ANKRD29: variants seen among roughly 807,000 people sequenced by gnomAD.
ANKRD29 encodes the protein ankyrin repeat domain-containing protein 29.
Under a neutral mutation model 38.0 loss-of-function variants are expected in ANKRD29, and 32 were observed. The ratio of observed to expected loss-of-function variants is 0.84; its 90% CI spans 0.64 to 1.13. ANKRD29 has a LOEUF of 1.13. Among genes scored for constraint, ANKRD29 ranks in the 50% most tolerant of loss-of-function variants. The pLI is 0.00. For synonymous variants in ANKRD29, 135 were observed against 152.4 expected, an observed-to-expected ratio of 0.89 and a Z score of 0.84; for missense variants, 357 against 377.9, an observed-to-expected ratio of 0.94 and a Z score of 0.46.
intron 8 of ANKRD29, among the ~76,000 whole-genome samples, chr18:23,617,498 GA>G (rs771107144): frequency 7.3e-5 from 11 of 151,688 alleles, no homozygotes; most frequent in Non-Finnish European, 1.5e-4. Flanking sequence ...TACTACTGTC[GA>G]TTTTTTTTTT....
At chr18:23,642,658 G>A (rs1054169345) in intron 3 of ANKRD29, among the ~76,000 whole-genome samples, 4 of 152,204 alleles carry the variant, frequency 2.6e-5, no homozygotes, top group African/African-American at 7.2e-5. Flanking sequence ...AGCCATGGAG[G>A]TTTCCAGCTG....
At chr18:23,637,013 G>A (rs981478060) in intron 4 of ANKRD29, among the ~76,000 whole-genome samples, 1 of 152,186 alleles carries the variant, frequency 6.6e-6, no homozygotes, top group African/African-American at 2.4e-5. Flanking sequence ...TTGGATACCT[G>A]CAGCTGACCT....
chr18:23,646,348 A>G, intron 2 of ANKRD29, 61 bp from the exon 3 acceptor site: 1 of 1,469,980 alleles, frequency 6.8e-7, no homozygotes, highest in South Asian at 1.2e-5. Context: ...GAAGGGTCCT[A>G]GAGAAGATGC....
intron 4 of ANKRD29, among the ~76,000 whole-genome samples, chr18:23,636,979 C>G (rs971778530): frequency 1.2e-4 from 19 of 152,212 alleles, no homozygotes; most frequent in African/African-American, 4.6e-4. Flanking sequence ...CCTCTCAGCC[C>G]TCTCTTCTTC....
chr18:23,610,043 T>C (rs548037162), intron 9 of ANKRD29, among the ~76,000 whole-genome samples: 27 of 152,348 alleles, frequency 1.8e-4, no homozygotes, highest in African/African-American at 6.5e-4. Context: ...ATGTTATATG[T>C]TTTTGTTTTT....
Position 23,617,790 on chromosome 18 carries a change from C to T in ANKRD29, c.665G>A (p.Gly222Glu). The T allele has an allele frequency of 6.2e-7, 1 of 1,613,946 alleles. No homozygotes were observed. The highest frequency in any genetic ancestry group is 8.5e-7 in the Non-Finnish European group (1 of 1,179,962). The change falls in exon 8 of 10, where the codon GGG (glycine) becomes GAG (glutamate). Residue 222 changes from glycine (G) to glutamate (E), a missense_variant. Transcript: ENST00000592179. ...CAACTCTTTTATGACATCATTATAC[C>T]CTTTGTTGGCTGCTTTCAATAATGC... ...TTALLKAANK[G>E]YNDVIKELLK...
intron 1 of ANKRD29, chr18:23,649,626 C>G: frequency 2.2e-6 from 1 of 461,786 alleles, no homozygotes; most frequent in South Asian, 1.6e-5. Context: ...TCTGACCTCT[C>G]AAAAGAGTTT....
At chr18:23,646,042 C>T in intron 3 of ANKRD29, 147 bp downstream of exon 3, 1 of 714,506 alleles carries the variant, frequency 1.4e-6, no homozygotes, top group Non-Finnish European at 2.3e-6. Context: ...GTTGCTGGAC[C>T]TCATTGTAGG....
chr18:23,641,742 A>T (rs539914623), intron 3 of ANKRD29, among the ~76,000 whole-genome samples: 1 of 152,356 alleles, frequency 6.6e-6, no homozygotes, highest in African/African-American at 2.4e-5. Flanking sequence ...CCTCTGACTC[A>T]GCCAGATTCA....
chr18:23,627,005 T>A (rs1335505892), intron 6 of ANKRD29, among the ~76,000 whole-genome samples: 3 of 152,236 alleles, frequency 2.0e-5, no homozygotes, highest in African/African-American at 7.2e-5. Flanking sequence ...GATTTCAGAA[T>A]AAAACATTGG....
rs531648296 is a variant in ANKRD29 at position 23,612,189 on chromosome 18, T to C, written c.725A>G (p.Asn242Ser). Residue 242 changes from asparagine to serine, a missense_variant and splice_region_variant, in exon 9 of 10, where the codon AAT becomes AGT. Transcript: ENST00000592179. ...KFSPTLGILK[N>S]GTSALHAAVL... is the part of the protein sequence containing the mutation. ...TGCTGCATGGAGCGCTGATGTCCCA[T>C]TCTAAGAGAAAATGACAGTGTGTGT... 1.7e-4 allele frequency: 271 copies of C among 1,613,022 alleles called. 4 individuals carry two copies. The South Asian group carries it at 2.6e-3, about 16-fold the overall frequency.
At chr18:23,626,477 A>T (rs2059863862) in intron 6 of ANKRD29, among the ~76,000 whole-genome samples, 1 of 151,796 alleles carries the variant, frequency 6.6e-6, no homozygotes, top group Non-Finnish European at 1.5e-5. Flanking sequence ...CTAGTGATTA[A>T]AAAGGTCTGA....
chr18:23,653,862 T>C (rs11873172), intron 1 of ANKRD29, among the ~76,000 whole-genome samples: 2,522 of 151,046 alleles, frequency 0.017, 76 homozygotes, highest in African/African-American at 0.056. Flanking sequence ...TGAGCCACCA[T>C]GCCTGGCCTA....
chr18:23,637,908 T>A (rs749369691), intron 4 of ANKRD29, among the ~76,000 whole-genome samples: 1 of 152,008 alleles, frequency 6.6e-6, no homozygotes, highest in East Asian at 1.9e-4. Context: ...AATATTATCA[T>A]GTAAAATCAT....
intron 6 of ANKRD29, among the ~76,000 whole-genome samples, chr18:23,624,261 G>A (rs2059831720): frequency 6.6e-6 from 1 of 151,666 alleles, no homozygotes; most frequent in Non-Finnish European, 1.5e-5. Context: ...GAGGCCTGGA[G>A]TTTGAGACTA....
chr18:23,610,328 A>G (rs1428028263), intron 9 of ANKRD29, among the ~76,000 whole-genome samples: 4 of 152,194 alleles, frequency 2.6e-5, no homozygotes, highest in Non-Finnish European at 5.9e-5. Context: ...ATACAAAAAA[A>G]TTAGCTGGGC....
At chr18:23,631,218 C>T (rs1237841306) in intron 5 of ANKRD29, among the ~76,000 whole-genome samples, 2 of 150,670 alleles carry the variant, frequency 1.3e-5, no homozygotes, top group Admixed American at 1.3e-4. Context: ...GGAAACATAG[C>T]AAGACCTTGT....
chr18:23,646,148 T>C, intron 3 of ANKRD29, 41 bp downstream of exon 3: 1 of 1,587,526 alleles, frequency 6.3e-7, no homozygotes, highest in Non-Finnish European at 8.6e-7. Flanking sequence ...TTCAGATCTC[T>C]GAGCCTGGTC....
intron 2 of ANKRD29, chr18:23,648,682 T>A (rs1245231050): frequency 1.0e-5 from 4 of 388,816 alleles, no homozygotes; most frequent in Non-Finnish European, 1.8e-5. Flanking sequence ...CTTCAATTTT[T>A]GTTTTCTCAT....
Sources: gnomAD v4.1 joint callset for allele counts (sites outside exome capture counted in the v4.1 genomes callset) on GRCh38, gnomAD v4.1.1 for gene constraint, MANE v1.5 for transcripts, NCBI Gene and HGNC (gene_info 2026-07-23, HGNC 2026-07-21) for gene names.